CD72: variants seen among roughly 807,000 people sequenced by gnomAD.
CD72 encodes the protein CD72 molecule, also known as B-cell differentiation antigen CD72.
Under a neutral mutation model 50.7 loss-of-function variants are expected in CD72, and 28 were observed. The ratio of observed to expected loss-of-function variants is 0.55; its 90% CI spans 0.41 to 0.76. CD72 has a LOEUF of 0.76. Ranked by LOEUF, CD72 falls within the 30% of genes least tolerant of loss-of-function variation. The pLI, the probability that CD72 is intolerant of heterozygous loss-of-function variation, is 0.00. For missense variants in CD72, 403 were observed against 420.6 expected, an observed-to-expected ratio of 0.96 and a Z score of 0.37; for synonymous variants, 176 against 171.2, an observed-to-expected ratio of 1.03 and a Z score of -0.22.
At chr9:35,618,540 C>G (rs771989694), upstream of CD72, 1 of 946,012 alleles carries the variant, frequency 1.1e-6, no homozygotes, top group Non-Finnish European at 1.6e-6. Flanking sequence ...ACGGAGGGGA[C>G]GCTGAGGTCC....
chr9:35,628,038 T>A (rs1823211727), intron 1 of CD72, among the ~76,000 whole-genome samples: 1 of 152,120 alleles, frequency 6.6e-6, no homozygotes, highest in Non-Finnish European at 1.5e-5. Context: ...TTTCGCTATG[T>A]CGACCAGGCT....
chr9:35,624,491 C>A (rs143515932), upstream of CD72, among the ~76,000 whole-genome samples: 1 of 152,002 alleles, frequency 6.6e-6, no homozygotes, highest in Non-Finnish European at 1.5e-5. Flanking sequence ...CCATACCTAG[C>A]GATCGTGCCT....
chr9:35,611,334 A>G (rs1403644791), intron 7 of CD72, among the ~76,000 whole-genome samples: 2 of 151,950 alleles, frequency 1.3e-5, no homozygotes, highest in Non-Finnish European at 2.9e-5. Flanking sequence ...GTTGATCCTC[A>G]ATGGTACCCC....
In CD72 at chr9:35,616,006, A is replaced by G; in HGVS notation, c.625T>C (p.Leu209=). The G allele has an allele frequency of 6.2e-7, 1 of 1,613,952 alleles. No individual in the cohort carries two copies. Among genetic ancestry groups the G allele is most frequent in the Non-Finnish European group, 8.5e-7 (1 of 1,179,984 alleles). ...LQSEEQQRRA[L]EQKLSNMENR... ...TCCATGTTGCTCAGCTTCTGCTCCA[A>G]GGCCCTCCTCTGTTGCTCCTCACTT... The change falls in exon 5 of 9, where the codon TTG becomes CTG. Residue 209 remains leucine, a synonymous_variant. Transcript: ENST00000259633.
chr9:35,626,872 G>A (rs1193849052), intron 1 of CD72, among the ~76,000 whole-genome samples: 2 of 150,292 alleles, frequency 1.3e-5, no homozygotes, highest in Non-Finnish European at 3.0e-5. Flanking sequence ...TTTTTTTTGA[G>A]ATGGAGTCTC....
chr9:35,633,076 G>T (rs551448788), intron 1 of CD72, among the ~76,000 whole-genome samples: 1 of 150,288 alleles, frequency 6.7e-6, no homozygotes, highest in African/African-American at 2.4e-5. Context: ...GACTACAGGC[G>T]TACACCACCA....
chr9:35,639,455 T>C (rs1292849432), intron 1 of CD72, among the ~76,000 whole-genome samples: 2 of 151,866 alleles, frequency 1.3e-5, no homozygotes, highest in Admixed American at 6.6e-5. Context: ...AAAAGCAGGA[T>C]AATAAAATGA....
intron 1 of CD72, among the ~76,000 whole-genome samples, chr9:35,636,618 A>T (rs1205370485): frequency 6.6e-6 from 1 of 152,240 alleles, no homozygotes; most frequent in South Asian, 2.1e-4. Context: ...CCCTGGCCAC[A>T]TCGCTTCCAA....
At chr9:35,625,203 C>A (rs180796521) in intron 1 of CD72, among the ~76,000 whole-genome samples, 144 of 152,252 alleles carry the variant, frequency 9.5e-4, no homozygotes, top group Non-Finnish European at 1.5e-3. Context: ...AGGAAAAGTT[C>A]TTGAAGGAAA....
chr9:35,639,883 C>G (rs1268362632), intron 1 of CD72, among the ~76,000 whole-genome samples: 1 of 152,106 alleles, frequency 6.6e-6, no homozygotes, highest in Non-Finnish European at 1.5e-5. Flanking sequence ...GAGGATTAAG[C>G]AATCTTGACT....
chr9:35,629,680 G>C (rs564624490), intron 1 of CD72, among the ~76,000 whole-genome samples: 1 of 152,204 alleles, frequency 6.6e-6, no homozygotes. Flanking sequence ...GCCAGAACCC[G>C]TGAACATAGA....
chr9:35,634,978 A>G (rs748845770), intron 1 of CD72, among the ~76,000 whole-genome samples: 5 of 152,202 alleles, frequency 3.3e-5, no homozygotes, highest in Non-Finnish European at 5.9e-5. Flanking sequence ...TCTCTTCTCA[A>G]AAGTATTTCT....
chr9:35,620,830 T>TA (rs141938916), upstream of CD72, among the ~76,000 whole-genome samples: 12 of 151,360 alleles, frequency 7.9e-5, no homozygotes, highest in Admixed American at 6.6e-4. Flanking sequence ...TAAAAAAAAA[T>TA]AAAAAAAAGA....
chr9:35,643,610 A>G (rs998043008), intron 1 of CD72: 3 of 152,234 alleles, frequency 2.0e-5, no homozygotes. Flanking sequence ...TACTAGATTG[A>G]CTTCTTAGTG....
upstream of CD72, chr9:35,618,742 C>G (rs1394514777): frequency 2.3e-6 from 3 of 1,281,844 alleles, no homozygotes; most frequent in Non-Finnish European, 3.1e-6. Flanking sequence ...CTGCACTGAC[C>G]CAGACGATCT....
intron 1 of CD72, chr9:35,646,170 G>GA (rs201172834): frequency 9.5e-4 from 134 of 141,462 alleles, no homozygotes; most frequent in Middle Eastern, 3.6e-3. Flanking sequence ...CAAAAAAAAA[G>GA]AAAAAAAAAA....
In CD72 at chr9:35,618,122, C is replaced by G. The variant is rs1823097071; in HGVS notation, c.83-1G>C. ...TCCCCATCATCATCAGCCCCTGGGT[C>G]TAGAGAGAAGAGAAAAGGGACCAAG... On this transcript the variant is annotated splice_acceptor_variant, in intron 1 of 8. Coordinates refer to ENST00000259633, the MANE Select transcript of CD72 (RefSeq NM_001782.3). LOFTEE classifies it high-confidence loss of function. 1 of 1,613,150 alleles carries G rather than the reference C, an allele frequency of 6.2e-7. No individual in the cohort carries two copies. The highest frequency in any genetic ancestry group is 1.3e-5 in the African/African-American group (1 of 74,870).
intron 1 of CD72, among the ~76,000 whole-genome samples, chr9:35,639,927 A>G (rs1347076624): frequency 6.6e-6 from 1 of 152,242 alleles, no homozygotes; most frequent in Non-Finnish European, 1.5e-5. Context: ...ACCATGAAAA[A>G]GGAAAAAATA....
intron 1 of CD72, among the ~76,000 whole-genome samples, chr9:35,627,760 C>T (rs888169230): frequency 2.0e-5 from 3 of 152,240 alleles, no homozygotes; most frequent in Middle Eastern, 3.4e-3. Flanking sequence ...CAGTTGCAGT[C>T]TCAGAACCAA....
Sources: gnomAD v4.1 joint callset for allele counts (sites outside exome capture counted in the v4.1 genomes callset) on GRCh38, gnomAD v4.1.1 for gene constraint, MANE v1.5 for transcripts, NCBI Gene and HGNC (gene_info 2026-07-23, HGNC 2026-07-21) for gene names.